Variants in GALNT18 observed in about 807,000 individuals in gnomAD.
GALNT18 encodes GalNAc-transferase 18.
Under a neutral mutation model 69.5 loss-of-function variants are expected in GALNT18, and 44 were observed. The ratio of observed to expected loss-of-function variants is 0.63; its 90% confidence interval spans 0.50 to 0.81. The LOEUF (loss-of-function observed/expected upper bound fraction) is 0.81, where lower values mean the gene tolerates loss of function less well. Among genes scored for constraint, GALNT18 ranks in the 40% least tolerant of loss-of-function variants. The pLI is 0.00. For synonymous variants in GALNT18, 364 were observed against 318.2 expected (o/e 1.14, Z -1.53); for missense variants, 715 against 810.0 (o/e 0.88, Z 1.42).
intron 6 of GALNT18, among the ~76,000 whole-genome samples, chr11:11,368,839 G>A (rs978102590): frequency 1.1e-4 from 16 of 152,160 alleles, no homozygotes; most frequent in African/African-American, 3.6e-4. Context: ...TTGCCTGTCC[G>A]CTGATTTTGC....
At chr11:11,288,116 T>C (rs1849227096) in intron 10 of GALNT18, among the ~76,000 whole-genome samples, 1 of 152,120 alleles carries the variant, frequency 6.6e-6, no homozygotes, top group African/African-American at 2.4e-5. Context: ...CACCCCACCA[T>C]GGAAATCTAC....
rs935496624 is a variant in GALNT18 at position 11,620,775 on chromosome 11, A to G, written c.235+584T>C. Reference sequence around the variant, plus strand: ...TGCTATAGGTTCAAGCGGCTTTTCAACCACAGAGGGCTCCTTGCATTCCCT... The same window carrying G: ...TGCTATAGGTTCAAGCGGCTTTTCAGCCACAGAGGGCTCCTTGCATTCCCT... On this transcript the variant is annotated intron_variant, in intron 1 of 10. Coordinates refer to ENST00000227756, the MANE Select transcript of GALNT18 (RefSeq NM_198516.3). The surrounding 1 kb of genome is among the most constrained non-coding windows in gnomAD (Gnocchi z 6.9). Among the ~76,000 whole-genome samples, 1 of 152,040 alleles carries G rather than the reference A, an allele frequency of 6.6e-6. No homozygotes were observed. Among genetic ancestry groups the G allele is most frequent in the African/African-American group, 2.4e-5 (1 of 41,402 alleles).
intron 1 of GALNT18, among the ~76,000 whole-genome samples, chr11:11,514,349 T>A (rs1156706180): frequency 6.6e-6 from 1 of 152,128 alleles, no homozygotes; most frequent in Non-Finnish European, 1.5e-5. Context: ...ATAGCAGAAA[T>A]GCTTTCCTTT....
In GALNT18 at chr11:11,617,991, A is replaced by C. The variant is rs1019717464; in HGVS notation, c.235+3368T>G. 6.6e-6 allele frequency among the ~76,000 whole-genome samples: 1 copy of C among 152,248 alleles called. No individual in the cohort carries two copies. Among genetic ancestry groups the C allele is most frequent in the Admixed American group, 6.5e-5 (1 of 15,292 alleles). The stretch of plus-strand genomic sequence containing the variant: ...CGTCTATTTGGTCAAAAAACTTCCC[A>C]AAACTGCAATTTACATTCCCAAGAG... On this transcript the variant is annotated intron_variant, in intron 1 of 10. Transcript: ENST00000227756. The surrounding 1 kb of genome is among the most constrained non-coding windows in gnomAD (Gnocchi z 4.7).
intron 6 of GALNT18, among the ~76,000 whole-genome samples, chr11:11,362,156 A>C (rs1850658267): frequency 6.6e-6 from 1 of 152,194 alleles, no homozygotes. Context: ...TCCATTCCTC[A>C]CACCAAACTG....
intron 6 of GALNT18, among the ~76,000 whole-genome samples, chr11:11,344,732 C>A (rs1850272289): frequency 6.6e-6 from 1 of 152,204 alleles, no homozygotes; most frequent in Non-Finnish European, 1.5e-5. Context: ...AAGTGTTTAA[C>A]ACTGAGCCTA....
At chr11:11,386,302 A>G (rs1168990706) in intron 3 of GALNT18, among the ~76,000 whole-genome samples, 1 of 152,102 alleles carries the variant, frequency 6.6e-6, no homozygotes, top group African/African-American at 2.4e-5. Context: ...TGCCCATGGT[A>G]TTAGCTTTCT....
In GALNT18 at chr11:11,448,782, C is replaced by T. The variant is rs191793975; in HGVS notation, c.390G>A (p.Leu130=). The change falls in exon 2 of 11, where the codon CTG becomes CTA. Residue 130 remains leucine (L), a synonymous_variant. Transcript: ENST00000227756. ...YGYNAYLSDR[L]PLDRPLPDLR... is the part of the protein sequence containing the mutation. ...GGTCAGGCAGGGGCCGGTCCAGGGG[C>T]AGGCGGTCGCTGAGGTAGGCGTTGT... The T allele has an allele frequency of 1.9e-5, 30 of 1,612,876 alleles. No homozygotes were observed. The East Asian group carries it at 4.2e-4, about 23-fold the overall frequency.
rs191232574 is a variant in GALNT18, at chr11:11,406,878, C to T, written c.595+25743G>A. 7.5e-4 allele frequency among the ~76,000 whole-genome samples: 115 copies of T among 152,320 alleles called. 2 individuals carry two copies. The East Asian group carries it at 0.016, about 21-fold the overall frequency. ...CGCCCTTTTGGAAGAAAGCCCAAGG[C>T]CTTGCCCCATAGGTGTGGGTCTTCA... On this transcript the variant is annotated intron_variant, in intron 3 of 10. Transcript: ENST00000227756.
chr11:11,434,154 T>G (rs750885628), intron 2 of GALNT18, among the ~76,000 whole-genome samples: 6 of 152,132 alleles, frequency 3.9e-5, no homozygotes, highest in Non-Finnish European at 8.8e-5. Context: ...ATTAATAAAC[T>G]AAGATCAGCA....
At chr11:11,560,249 T>TGGTGG (rs1858473851) in intron 1 of GALNT18, among the ~76,000 whole-genome samples, 2 of 149,642 alleles carry the variant, frequency 1.3e-5, no homozygotes, top group African/African-American at 2.5e-5. Context: ...GAATGAGATA[T>TGGTGG]GATGGGATGG....
chr11:11,428,308 C>T (rs1255049411), intron 3 of GALNT18, among the ~76,000 whole-genome samples: 2 of 152,248 alleles, frequency 1.3e-5, no homozygotes, highest in South Asian at 4.1e-4. Context: ...AGTGTCTCTT[C>T]TTCCCCTTTT....
At chr11:11,462,613 C>T (rs1481595190) in intron 1 of GALNT18, among the ~76,000 whole-genome samples, 1 of 152,036 alleles carries the variant, frequency 6.6e-6, no homozygotes, top group Non-Finnish European at 1.5e-5. Context: ...TTTAGGCTGC[C>T]CTTTTCTCAT....
intron 9 of GALNT18, among the ~76,000 whole-genome samples, chr11:11,323,616 A>G (rs1282385360): frequency 6.6e-6 from 1 of 152,160 alleles, no homozygotes; most frequent in African/African-American, 2.4e-5. Flanking sequence ...AGCCCTGATG[A>G]TCCCTAAAAA....
In GALNT18 at chr11:11,591,159, CGTGTGTGTGT is replaced by C. The variant is rs142063535; in HGVS notation, c.235+30190_235+30199del. On this transcript the variant is annotated intron_variant, in intron 1 of 10. Coordinates refer to ENST00000227756, the MANE Select transcript of GALNT18 (RefSeq NM_198516.3). This position sits in a 1 kb window ranked among gnomAD's most constrained non-coding sequence, Gnocchi z 4.8. Reference sequence around the variant, plus strand: ...TGCTGACTCTGTAGGCCTAGGCTACCGTGTGTGTGTGTGTGTGTGTGTGTGTTAGTTTTTA... The same window carrying C: ...TGCTGACTCTGTAGGCCTAGGCTACCGTGTGTGTGTGTGTGTTAGTTTTTA... Among the ~76,000 whole-genome samples, 1 of 148,958 alleles carries C rather than the reference CGTGTGTGTGT, an allele frequency of 6.7e-6. No individual in the cohort carries two copies. Among genetic ancestry groups the C allele is most frequent in the Non-Finnish European group, 1.5e-5 (1 of 67,394 alleles).
At chr11:11,440,126 C>T (rs1855503565) in intron 2 of GALNT18, among the ~76,000 whole-genome samples, 2 of 152,256 alleles carry the variant, frequency 1.3e-5, no homozygotes, top group South Asian at 4.1e-4. Flanking sequence ...GGCAGAAGTT[C>T]AACCATCATC....
In GALNT18 at chr11:11,621,655, C is replaced by T; in HGVS notation, c.-62G>A. On this transcript the variant is annotated 5_prime_UTR_variant, in exon 1 of 11. Coordinates refer to ENST00000227756, the MANE Select transcript of GALNT18 (RefSeq NM_198516.3). This position sits in a 1 kb window ranked among gnomAD's most constrained non-coding sequence, Gnocchi z 9.3. ...CCTTCCTTGTCGTGCGCCCCGAACTCCCCCGCGCTCGCACCCCGTAGCACG... is the reference window on the plus strand; with the variant it reads ...CCTTCCTTGTCGTGCGCCCCGAACTTCCCCGCGCTCGCACCCCGTAGCACG... The T allele has an allele frequency of 7.7e-7, 1 of 1,297,364 alleles. No homozygotes were observed. Among genetic ancestry groups the T allele is most frequent in the Non-Finnish European group, 1.1e-6 (1 of 926,998 alleles). The allele number at this position is 1,297,364 out of a possible 1,614,324, so 80.4% of individuals were successfully genotyped here.
At chr11:11,578,002 T>C (rs946472900) in intron 1 of GALNT18, among the ~76,000 whole-genome samples, 1 of 151,998 alleles carries the variant, frequency 6.6e-6, no homozygotes, top group Non-Finnish European at 1.5e-5. Context: ...CCCAGGACCC[T>C]TCCCTAAAAT....
At chr11:11,514,755 A>G (rs919958277) in intron 1 of GALNT18, among the ~76,000 whole-genome samples, 7 of 152,172 alleles carry the variant, frequency 4.6e-5, no homozygotes, top group Non-Finnish European at 2.9e-5. Flanking sequence ...TGGCACCAAG[A>G]CAGACTCAAC....
Sources: allele counts gnomAD v4.1 joint callset (sites outside exome capture counted in the v4.1 genomes callset), GRCh38; gene constraint gnomAD v4.1.1; non-coding constraint Gnocchi (gnomAD v3.1); transcripts MANE v1.5; gene names NCBI Gene and HGNC (gene_info 2026-07-23, HGNC 2026-07-21).